AGAP1: variants seen among roughly 807,000 people sequenced by gnomAD.
The protein encoded by AGAP1 is ArfGAP with GTPase domain, ankyrin repeat and PH domain 1.
Under a neutral mutation model 105.3 loss-of-function variants are expected in AGAP1, and 29 were observed. The observed-to-expected ratio is 0.28, with a 90% confidence interval of 0.21 to 0.38. The LOEUF is 0.38. Among genes scored for constraint, AGAP1 ranks in the 10% least tolerant of loss-of-function variants. The pLI, the probability that AGAP1 is intolerant of heterozygous loss-of-function variation, is 1.00. For missense variants in AGAP1, 998 were observed against 1,165.1 expected (o/e 0.86, Z 2.09); for synonymous variants, 509 against 485.9 (o/e 1.05, Z -0.63).
chr2:235,634,828 G>GT (rs1946939942), intron 1 of AGAP1, among the ~76,000 whole-genome samples: 1 of 152,138 alleles, frequency 6.6e-6, no homozygotes, highest in South Asian at 2.1e-4. Flanking sequence ...AGAGAATTGA[G>GT]TTTACGTACC....
chr2:235,841,484 C>A lies in AGAP1; in HGVS notation c.1050+34153C>A, dbSNP rs1258027058. On this transcript the variant is annotated intron_variant, in intron 9 of 17. Coordinates refer to ENST00000304032, the MANE Select transcript of AGAP1 (RefSeq NM_001037131.3). ...TCTGTACAACAAATAAACAGATTAGCCAGGCATGGTGGTGTGCACCTGTGG... is the reference window on the plus strand; with the variant it reads ...TCTGTACAACAAATAAACAGATTAGACAGGCATGGTGGTGTGCACCTGTGG... 2.0e-5 allele frequency among the ~76,000 whole-genome samples: 3 copies of A among 152,152 alleles called. No individual in the cohort carries two copies. In the East Asian group the frequency reaches 5.8e-4, roughly 30 times the overall value.
chr2:235,885,128 G>C (rs1575693648), intron 10 of AGAP1, among the ~76,000 whole-genome samples: 1 of 152,088 alleles, frequency 6.6e-6, no homozygotes, highest in Non-Finnish European at 1.5e-5. Context: ...ACCACCTAGG[G>C]AACCTGACTT....
intron 1 of AGAP1, among the ~76,000 whole-genome samples, chr2:235,554,338 T>A (rs1168725381): frequency 6.6e-6 from 1 of 152,146 alleles, no homozygotes; most frequent in Admixed American, 6.5e-5. Context: ...CCAAGTGACA[T>A]TTGTTTTGAG....
In AGAP1 at chr2:235,555,180, C is replaced by A. The variant is rs1470458678; in HGVS notation, c.163+60331C>A. 6.6e-6 allele frequency among the ~76,000 whole-genome samples: 1 copy of A among 152,104 alleles called. No individual in the cohort carries two copies. Among genetic ancestry groups the A allele is most frequent in the Non-Finnish European group, 1.5e-5 (1 of 68,034 alleles). ...CTTTCCAGATGGATGTTTCTAAAGT[C>A]TTTCTTAAAGGAGCCAGAGGCTTGC... On this transcript the variant is annotated intron_variant, in intron 1 of 17. Transcript: ENST00000304032. The surrounding 1 kb of genome is among the most constrained non-coding windows in gnomAD (Gnocchi z 5.1).
intron 15 of AGAP1, among the ~76,000 whole-genome samples, chr2:236,048,535 C>G (rs2057794092): frequency 2.6e-5 from 4 of 152,188 alleles, no homozygotes; most frequent in Admixed American, 2.6e-4. Context: ...TAGTGTACCT[C>G]TCTCTCATCT....
At chr2:235,597,980 TC>T (rs1176359896) in intron 1 of AGAP1, among the ~76,000 whole-genome samples, 1 of 125,452 alleles carries the variant, frequency 8.0e-6, no homozygotes, top group African/African-American at 3.2e-5. Flanking sequence ...GTGCACGCGC[TC>T]CCGTGTTTCC....
In AGAP1 at chr2:235,631,461, C is replaced by T. The variant is rs2149288615; in HGVS notation, c.164-77718C>T. Among the ~76,000 whole-genome samples, 1 of 152,322 alleles carries T rather than the reference C, an allele frequency of 6.6e-6. No individual in the cohort carries two copies. On this transcript the variant is annotated intron_variant, in intron 1 of 17. Transcript: ENST00000304032. The surrounding 1 kb of genome is among the most constrained non-coding windows in gnomAD (Gnocchi z 5.4). ...CCATCACTGCTGGTAGAGAGGGTTT[C>T]TGGGTCCCAGGACCGGACTGCGTGG...
intron 1 of AGAP1, among the ~76,000 whole-genome samples, chr2:235,650,047 A>T (rs1400615417): frequency 6.6e-6 from 1 of 152,176 alleles, no homozygotes; most frequent in African/African-American, 2.4e-5. Flanking sequence ...TGATCTTTGG[A>T]TGGAAAATAT....
At chr2:235,699,851 T>A (rs896587216) in intron 1 of AGAP1, among the ~76,000 whole-genome samples, 1 of 152,202 alleles carries the variant, frequency 6.6e-6, no homozygotes, top group African/African-American at 2.4e-5. Flanking sequence ...ACAAGGAAGC[T>A]ATGAGGTGTG....
Position 236,049,178 on chromosome 2 carries a change from G to A in AGAP1, c.2011G>A (p.Val671Ile), listed in dbSNP as rs2034648. The A allele has an allele frequency of 0.56, 897,597 of 1,613,972 alleles. 257,386 individuals carry two copies. Among genetic ancestry groups the A allele is most frequent in the African/African-American group, 0.88 (66,064 of 74,990 alleles). ...VRSLDLDDWP[V>I]ELIKVMSSIG... ...ATCTCTGGACCTGGATGACTGGCCA[G>A]TCGAGCTCATCAAGGTGATGTCATC... Residue 671 changes from valine to isoleucine, a missense_variant, in exon 16 of 18, where the codon GTC becomes ATC. Transcript: ENST00000304032.
rs114467145 is a variant in AGAP1, at chr2:235,632,745, G to A, written c.164-76434G>A. Among the ~76,000 whole-genome samples the A allele has an allele frequency of 6.6e-5, 10 of 152,228 alleles. No homozygotes were observed. The East Asian group carries it at 1.9e-3, about 29-fold the overall frequency. ...GTGTTTCCCATGCTAAACAGTGCCC[G>A]CTGATTTAATCAAGAGACTTGATAG... On this transcript the variant is annotated intron_variant, in intron 1 of 17. Transcript: ENST00000304032.
At position 236,120,197 on chromosome 2, in the gene AGAP1, A is replaced by G; in HGVS notation, c.2120A>G (p.Glu707Gly). The G allele has an allele frequency of 6.2e-7, 1 of 1,610,018 alleles. No individual in the cohort carries two copies. Among genetic ancestry groups the G allele is most frequent in the Non-Finnish European group, 8.5e-7 (1 of 1,177,552 alleles). ...TGTCTGGTGGCTCTTTGCAGGGAAGAGAAGGAACGGTGGATCCGTGCCAAG... is the reference window on the plus strand; with the variant it reads ...TGTCTGGTGGCTCTTTGCAGGGAAGGGAAGGAACGGTGGATCCGTGCCAAG... Reference protein sequence around the residue: ...TKPSVDSTREEKERWIRAKYE... With the variant: ...TKPSVDSTREGKERWIRAKYE... Residue 707 changes from glutamate (E) to glycine (G), a missense_variant, in exon 17 of 18, where the codon GAG becomes GGG. This residue lies in a region of AGAP1 where 235 missense variants were observed against 270.7 expected (regional missense o/e 0.87). Coordinates refer to ENST00000304032, the MANE Select transcript of AGAP1 (RefSeq NM_001037131.3). The surrounding 1 kb of genome is among the most constrained non-coding windows in gnomAD (Gnocchi z 6.0).
rs1411423617 is a variant in AGAP1 at position 235,988,461 on chromosome 2, AC to A, written c.1645+19843del. Among the ~76,000 whole-genome samples, 1 of 151,234 alleles carries A rather than the reference AC, an allele frequency of 6.6e-6. No individual in the cohort carries two copies. Among genetic ancestry groups the A allele is most frequent in the East Asian group, 1.9e-4 (1 of 5,146 alleles). ...TTCTTGTCCTTAAATGCCACCCCCAACCCCCGCCCCGAAGTCAGGAAGTGAT... is the reference window on the plus strand; with the variant it reads ...TTCTTGTCCTTAAATGCCACCCCCAACCCCGCCCCGAAGTCAGGAAGTGAT... On this transcript the variant is annotated intron_variant, in intron 13 of 17. Coordinates refer to ENST00000304032, the MANE Select transcript of AGAP1 (RefSeq NM_001037131.3). The surrounding 1 kb of genome is among the most constrained non-coding windows in gnomAD (Gnocchi z 4.7).
At chr2:235,869,853 G>A (rs1350739215) in intron 9 of AGAP1, among the ~76,000 whole-genome samples, 4 of 152,176 alleles carry the variant, frequency 2.6e-5, no homozygotes, top group Non-Finnish European at 5.9e-5. Context: ...ATAGTCTCAG[G>A]GTGTCTCCTC....
At chr2:235,763,820 C>T (rs1954669578) in intron 6 of AGAP1, among the ~76,000 whole-genome samples, 1 of 152,218 alleles carries the variant, frequency 6.6e-6, no homozygotes, top group Admixed American at 6.5e-5. Flanking sequence ...TGATTTCCCA[C>T]CTGTCCTAGG....
At chr2:235,651,252 G>A (rs1422769512) in intron 1 of AGAP1, among the ~76,000 whole-genome samples, 2 of 144,700 alleles carry the variant, frequency 1.4e-5, no homozygotes, top group African/African-American at 2.5e-5. Context: ...ACAGGCCGAG[G>A]AACCTGGTGG....
intron 1 of AGAP1, among the ~76,000 whole-genome samples, chr2:235,508,956 G>A (rs1476770086): frequency 6.6e-6 from 1 of 152,184 alleles, no homozygotes; most frequent in Non-Finnish European, 1.5e-5. Context: ...CGAGTGTGTC[G>A]CCAAACTCCA....
rs529000359 is a variant in AGAP1 at position 235,930,709 on chromosome 2, C to G, written c.1325-56C>G. The G allele has an allele frequency of 1.0e-5, 16 of 1,564,552 alleles. No homozygotes were observed. In the Admixed American group the frequency reaches 2.6e-4, roughly 25 times the overall value. ...TGTGGGTCCCATAGACTAACTCGCG[C>G]TGGTTTCTGTGGTCTGCAGTCCGCG... On this transcript the variant is annotated intron_variant, in intron 11 of 17. Coordinates refer to ENST00000304032, the MANE Select transcript of AGAP1 (RefSeq NM_001037131.3). This position sits in a 1 kb window ranked among gnomAD's most constrained non-coding sequence, Gnocchi z 7.9.
In AGAP1 at chr2:235,959,290, C is replaced by T. The variant is rs1050631939; in HGVS notation, c.1484-9172C>T. Among the ~76,000 whole-genome samples, 1 of 152,134 alleles carries T rather than the reference C, an allele frequency of 6.6e-6. No individual in the cohort carries two copies. Among genetic ancestry groups the T allele is most frequent in the African/African-American group, 2.4e-5 (1 of 41,424 alleles). On this transcript the variant is annotated intron_variant, in intron 12 of 17. Coordinates refer to ENST00000304032, the MANE Select transcript of AGAP1 (RefSeq NM_001037131.3). This position sits in a 1 kb window ranked among gnomAD's most constrained non-coding sequence, Gnocchi z 7.3. Reference sequence around the variant, plus strand: ...TGGAGCTCATTTACAGTGTCTCAGGCGGGGCTTTCGGGGCCTCTTCAATTT... The same window carrying T: ...TGGAGCTCATTTACAGTGTCTCAGGTGGGGCTTTCGGGGCCTCTTCAATTT...
Sources: gnomAD v4.1 joint callset for allele counts (sites outside exome capture counted in the v4.1 genomes callset) on GRCh38, gnomAD v4.1.1 for gene constraint, gnomAD v4.1.1 regional missense constraint, Gnocchi (gnomAD v3.1) non-coding constraint, MANE v1.5 for transcripts, NCBI Gene and HGNC (gene_info 2026-07-23, HGNC 2026-07-21) for gene names.